Variants in SSUH2 observed in about 807,000 individuals in gnomAD.
The protein encoded by SSUH2 is protein SSUH2 homolog.
SSUH2 carries 47 observed loss-of-function variants against 55.3 expected under a neutral mutation model. The observed-to-expected ratio is 0.85, with a 90% CI of 0.67 to 1.08. SSUH2 has a LOEUF of 1.08. SSUH2 is among the 50% of genes least tolerant of loss of function. The pLI is 0.00. For synonymous variants in SSUH2, 212 were observed against 191.5 expected (o/e 1.11, Z -0.89); for missense variants, 535 against 490.7 (o/e 1.09, Z -0.85).
upstream of SSUH2, among the ~76,000 whole-genome samples, chr3:8,646,223 T>A (rs1701664735): frequency 6.6e-6 from 1 of 152,228 alleles, no homozygotes; most frequent in Admixed American, 6.5e-5. Flanking sequence ...GGTGTGTGTT[T>A]GCATGTGTGT....
At chr3:8,631,804 A>G (rs962235145) in intron 5 of SSUH2, among the ~76,000 whole-genome samples, 1 of 152,068 alleles carries the variant, frequency 6.6e-6, no homozygotes, top group Non-Finnish European at 1.5e-5. Flanking sequence ...AGACTGTAGC[A>G]AAAGCAAATG....
At chr3:8,640,560 G>T (rs914917165) in intron 1 of SSUH2, among the ~76,000 whole-genome samples, 3 of 152,124 alleles carry the variant, frequency 2.0e-5, no homozygotes, top group Non-Finnish European at 4.4e-5. Context: ...TGCAGACCAG[G>T]GTGAGAGAAG....
chr3:8,628,673 G>T (rs562170841), intron 7 of SSUH2, among the ~76,000 whole-genome samples: 1 of 152,238 alleles, frequency 6.6e-6, no homozygotes, highest in Non-Finnish European at 1.5e-5. Context: ...GGTGGGGACT[G>T]AAGTGGCACA....
In SSUH2 at chr3:8,625,149, G is replaced by T. The variant is rs138840047; in HGVS notation, c.873+393C>A. Among the ~76,000 whole-genome samples the T allele has an allele frequency of 6.8e-3, 1,032 of 152,032 alleles. 4 individuals are homozygous for T. Among genetic ancestry groups the T allele is most frequent in the Non-Finnish European group, 0.012 (793 of 68,016 alleles). On this transcript the variant is annotated intron_variant, in intron 10 of 11. Transcript: ENST00000544814. ...GCAGGGTCCTTGTTTTATTTGCCAT[G>T]GTCTACCCAGGGCCAAGAATAGTGC...
At chr3:8,679,808 C>G (rs1705834643) in exon 2 of SSUH2, 1 of 153,310 alleles carries the variant, frequency 6.5e-6, no homozygotes, top group South Asian at 2.1e-4. Context: ...GAACGCAGCC[C>G]AGGATCAGAA....
At chr3:8,675,116 T>G (rs1448561772) in intron 3 of SSUH2, among the ~76,000 whole-genome samples, 1 of 152,210 alleles carries the variant, frequency 6.6e-6, no homozygotes, top group African/African-American at 2.4e-5. Flanking sequence ...CAAGCTACAC[T>G]GACTTTACAT....
chr3:8,638,029 G>A (rs1700210569), intron 1 of SSUH2, among the ~76,000 whole-genome samples: 1 of 152,150 alleles, frequency 6.6e-6, no homozygotes, highest in Non-Finnish European at 1.5e-5. Context: ...GTCCGATTTG[G>A]CCCTCGGAGT....
At chr3:8,647,906 GA>G (rs1419882730), upstream of SSUH2, among the ~76,000 whole-genome samples, 1 of 152,248 alleles carries the variant, frequency 6.6e-6, no homozygotes, top group East Asian at 1.9e-4. Flanking sequence ...ATCAAGTATG[GA>G]GTGGAGGAGA....
chr3:8,678,929 C>A (rs543155722), intron 2 of SSUH2, among the ~76,000 whole-genome samples: 18 of 111,496 alleles, frequency 1.6e-4, no homozygotes, highest in East Asian at 4.8e-4. Context: ...GACTGAGAGC[C>A]AGCCACTCTT....
At chr3:8,669,251 G>C (rs1704286380) in intron 5 of SSUH2, among the ~76,000 whole-genome samples, 1 of 152,160 alleles carries the variant, frequency 6.6e-6, no homozygotes, top group Admixed American at 6.5e-5. Flanking sequence ...AGTGGCCAAA[G>C]TTGGAACAAA....
At chr3:8,652,046 TGTGAGCTGTTCTACAGC>T (rs1702473127) in intron 7 of SSUH2, 2 of 152,446 alleles carry the variant, frequency 1.3e-5, no homozygotes, top group African/African-American at 4.8e-5. Flanking sequence ...TGCCAGCCAG[TGTGAGCTGTTCTACAGC>T]GTGTCCCGCA....
At chr3:8,663,204 C>T (rs1323473965) in intron 6 of SSUH2, among the ~76,000 whole-genome samples, 7 of 152,228 alleles carry the variant, frequency 4.6e-5, no homozygotes, top group Non-Finnish European at 8.8e-5. Flanking sequence ...AGCTAAAGTT[C>T]GTGGCACTGA....
At chr3:8,628,630 A>G (rs1698089490) in intron 7 of SSUH2, among the ~76,000 whole-genome samples, 2 of 152,222 alleles carry the variant, frequency 1.3e-5, no homozygotes, top group Non-Finnish European at 2.9e-5. Flanking sequence ...GAAGACAAAA[A>G]GACATGCAGG....
intron 11 of SSUH2, among the ~76,000 whole-genome samples, chr3:8,622,473 A>G (rs1199928919): frequency 2.0e-5 from 3 of 152,100 alleles, no homozygotes; most frequent in African/African-American, 7.2e-5. Context: ...AAAAACTACA[A>G]GTTTTCATCT....
At position 8,630,900 on chromosome 3, in the gene SSUH2, C is replaced by A; in HGVS notation, c.430G>T (p.Ala144Ser). 6.9e-7 allele frequency: 1 copy of A among 1,456,994 alleles called. No homozygotes were observed. The highest frequency in any genetic ancestry group is 1.5e-5 in the South Asian group (1 of 64,556). The allele number at this position is 1,456,994 out of a possible 1,614,324, so 90.3% of individuals were successfully genotyped here. A position where few individuals can be genotyped will look rare whatever the true frequency, so the allele number is the denominator to read the frequency against. The change falls in exon 6 of 12, where the codon GCC becomes TCC. Residue 144 changes from alanine (A) to serine (S), a missense_variant. Coordinates refer to ENST00000544814, the MANE Select transcript of SSUH2 (RefSeq NM_001256748.3). ...TTGATGTCCCAGAGCCTGGGGGAGG[C>A]GCCTCTTTGCGGCCCATCCACAGAG... is the stretch of plus-strand genomic sequence containing the variant. ...NHSVDGPQRG[A>S]SPRLWDIKVQ... is the part of the protein sequence containing the mutation.
intron 3 of SSUH2, chr3:8,677,106 G>T (rs903957587): frequency 6.7e-6 from 1 of 150,046 alleles, no homozygotes; most frequent in African/African-American, 2.5e-5. Flanking sequence ...CCATCGCAGC[G>T]GGGAGAGATA....
upstream of SSUH2, among the ~76,000 whole-genome samples, chr3:8,649,059 C>T (rs567435317): frequency 6.6e-6 from 1 of 152,152 alleles, no homozygotes; most frequent in Non-Finnish European, 1.5e-5. Context: ...GAGCCCCTAC[C>T]CTCCAACAAT....
rs1175483132 is a variant in SSUH2 at position 8,678,902 on chromosome 3, AC to A, written c.-901+802del. On this transcript the variant is annotated intron_variant, in intron 2 of 18. Coordinates refer to the SSUH2 transcript ENST00000317371. ...GATCCCCATTGCAAGGGAGGGAGGC[AC>A]CCCCCGCCAGGCGGGGACTGAGAGC... Among the ~76,000 whole-genome samples the A allele has an allele frequency of 3.3e-4, 32 of 97,588 alleles. 3 individuals are homozygous for A. Among genetic ancestry groups the A allele is most frequent in the East Asian group, 7.8e-4 (3 of 3,834 alleles). 64.0% of individuals were successfully genotyped at this position (97,588 alleles called of 152,430 possible). A position where few individuals can be genotyped will look rare whatever the true frequency, so the allele number is the denominator to read the frequency against.
At chr3:8,634,334 C>G (rs1699519940) in intron 3 of SSUH2, 2 of 1,251,392 alleles carry the variant, frequency 1.6e-6, no homozygotes, top group African/African-American at 3.1e-5. Context: ...AACCTCGGCC[C>G]TCTTTCTGCA....
Sources: allele counts gnomAD v4.1 joint callset (sites outside exome capture counted in the v4.1 genomes callset), GRCh38; gene constraint gnomAD v4.1.1; transcripts MANE v1.5; gene names NCBI Gene and HGNC (gene_info 2026-07-23, HGNC 2026-07-21).